The following ITGBL1 variants were observed in gnomAD, a reference collection of about 807,000 sequenced individuals.
The protein encoded by ITGBL1 is integrin subunit beta like 1, also known as integrin beta-like protein 1.
A neutral mutation model predicts 68.5 loss-of-function variants in ITGBL1; 51 were observed. The observed-to-expected ratio is 0.74, with a 90% CI of 0.59 to 0.94. ITGBL1 has a LOEUF of 0.94. Among genes scored for constraint, ITGBL1 ranks in the 40% least tolerant of loss-of-function variants. The pLI, the probability that ITGBL1 is intolerant of heterozygous loss-of-function variation, is 0.00. For missense variants in ITGBL1, 649 were observed against 647.4 expected (o/e 1.00, Z -0.03); for synonymous variants, 209 against 227.3 (o/e 0.92, Z 0.72).
At chr13:101,658,160 T>A (rs2032983621) in intron 7 of ITGBL1, among the ~76,000 whole-genome samples, 1 of 152,206 alleles carries the variant, frequency 6.6e-6, no homozygotes, top group African/African-American at 2.4e-5. Context: ...ATGCTCCTTT[T>A]AAGAAACAAT....
chr13:101,460,151 C>T (rs1249502100), intron 2 of ITGBL1, among the ~76,000 whole-genome samples: 1 of 152,172 alleles, frequency 6.6e-6, no homozygotes, highest in African/African-American at 2.4e-5. Flanking sequence ...TCCTTGCCCA[C>T]TCCTTCACCT....
At chr13:101,471,295 G>A (rs2048453347) in intron 2 of ITGBL1, among the ~76,000 whole-genome samples, 1 of 152,076 alleles carries the variant, frequency 6.6e-6, no homozygotes, top group Admixed American at 6.6e-5. Flanking sequence ...CTCCCTTGCA[G>A]GTAATAAATC....
intron 7 of ITGBL1, among the ~76,000 whole-genome samples, chr13:101,615,835 C>T (rs2031333939): frequency 2.0e-5 from 3 of 151,808 alleles, no homozygotes. Flanking sequence ...CAAAAGAGAC[C>T]CCAGAAAGCT....
intron 2 of ITGBL1, among the ~76,000 whole-genome samples, chr13:101,551,019 A>G (rs748723188): frequency 6.6e-6 from 1 of 152,152 alleles, no homozygotes; most frequent in Non-Finnish European, 1.5e-5. Flanking sequence ...TATTTGCTTC[A>G]TCGCTTCTTG....
At chr13:101,518,966 C>A (rs2049239560) in intron 2 of ITGBL1, among the ~76,000 whole-genome samples, 1 of 152,122 alleles carries the variant, frequency 6.6e-6, no homozygotes, top group Admixed American at 6.6e-5. Context: ...CTTAGACATA[C>A]AAGTTGAAGG....
chr13:101,562,751 CA>C (rs553075826), intron 2 of ITGBL1, among the ~76,000 whole-genome samples: 112 of 151,896 alleles, frequency 7.4e-4, no homozygotes, highest in African/African-American at 2.7e-3. Context: ...GTCGACAGAA[CA>C]AGTAGATAGA....
chr13:101,715,924 A>G lies in ITGBL1; in HGVS notation c.*270A>G. ...TTTTTCCACCCAAAAGTCATTTGGCAACATCTACAGACAATTTTGATTGTC... is the reference window on the plus strand; with the variant it reads ...TTTTTCCACCCAAAAGTCATTTGGCGACATCTACAGACAATTTTGATTGTC... On this transcript the variant is annotated 3_prime_UTR_variant, in exon 11 of 11. Coordinates refer to ENST00000376180, the MANE Select transcript of ITGBL1 (RefSeq NM_004791.3). 2.7e-6 allele frequency: 1 copy of G among 367,910 alleles called. No individual in the cohort carries two copies. The highest frequency in any genetic ancestry group is 5.8e-5 in the East Asian group (1 of 17,378). The allele number at this position is 367,910 out of a possible 1,614,324, so 22.8% of individuals were successfully genotyped here.
rs771920738 is a variant in ITGBL1 at position 101,567,762 on chromosome 13, A to G, written c.380A>G (p.Gln127Arg). ...CAGGGATGGTATGGGGATGCTTGCC[A>G]GTACCCAACTAACTGTGACTTGACA... ...CDQGWYGDAC[Q>R]YPTNCDLTKK... is the part of the protein sequence containing the mutation. Residue 127 changes from glutamine (Q) to arginine (R), a missense_variant, in exon 3 of 11, where the codon CAG becomes CGG. Coordinates refer to ENST00000376180, the MANE Select transcript of ITGBL1 (RefSeq NM_004791.3). The G allele has an allele frequency of 1.9e-6, 3 of 1,613,378 alleles. No homozygotes were observed. The highest frequency in any genetic ancestry group is 1.7e-4 in the Middle Eastern group (1 of 6,048).
intron 6 of ITGBL1, among the ~76,000 whole-genome samples, chr13:101,587,818 G>A (rs536433162): frequency 6.6e-5 from 10 of 152,078 alleles, no homozygotes; most frequent in Non-Finnish European, 1.3e-4. Flanking sequence ...TTTCTTGAAA[G>A]GAAAAATTAA....
chr13:101,479,872 G>A (rs923634707), intron 2 of ITGBL1, among the ~76,000 whole-genome samples: 7 of 152,026 alleles, frequency 4.6e-5, no homozygotes, highest in Non-Finnish European at 4.4e-5. Flanking sequence ...TGGTGGGAAT[G>A]AAAATTAGCA....
At chr13:101,626,990 T>C (rs1400253231) in intron 7 of ITGBL1, among the ~76,000 whole-genome samples, 1 of 152,196 alleles carries the variant, frequency 6.6e-6, no homozygotes, top group Non-Finnish European at 1.5e-5. Context: ...CAGACACTTA[T>C]AGGCTGTATG....
chr13:101,648,513 G>C (rs1003914577), intron 7 of ITGBL1, among the ~76,000 whole-genome samples: 2 of 152,136 alleles, frequency 1.3e-5, no homozygotes, highest in Admixed American at 1.3e-4. Context: ...AAGGATGCCT[G>C]ATAGCACCAC....
chr13:101,595,865 A>C (rs1468000405), intron 6 of ITGBL1, among the ~76,000 whole-genome samples: 1 of 152,216 alleles, frequency 6.6e-6, no homozygotes, highest in East Asian at 1.9e-4. Context: ...TTAAATCACT[A>C]TCTTGAAGAG....
At chr13:101,535,362 T>G (rs1030733438) in intron 2 of ITGBL1, among the ~76,000 whole-genome samples, 1 of 152,122 alleles carries the variant, frequency 6.6e-6, no homozygotes, top group African/African-American at 2.4e-5. Context: ...TCCAGGAGGC[T>G]GTGTTCTTCT....
At chr13:101,673,577 T>C (rs2033428701) in intron 7 of ITGBL1, among the ~76,000 whole-genome samples, 1 of 152,222 alleles carries the variant, frequency 6.6e-6, no homozygotes, top group African/African-American at 2.4e-5. Flanking sequence ...TAATTCCCCA[T>C]GGTCATTTGG....
At chr13:101,570,934 G>A (rs2050261717) in intron 3 of ITGBL1, among the ~76,000 whole-genome samples, 1 of 152,040 alleles carries the variant, frequency 6.6e-6, no homozygotes, top group Admixed American at 6.6e-5. Flanking sequence ...GGTTCTTTAG[G>A]CCTTGTCTCC....
At chr13:101,652,869 G>A (rs920807245) in intron 7 of ITGBL1, among the ~76,000 whole-genome samples, 34 of 152,164 alleles carry the variant, frequency 2.2e-4, no homozygotes, top group African/African-American at 6.5e-4. Flanking sequence ...AGGCCGAGGC[G>A]GGCAGATCAC....
At chr13:101,487,663 C>T (rs945374816) in intron 2 of ITGBL1, among the ~76,000 whole-genome samples, 1 of 152,166 alleles carries the variant, frequency 6.6e-6, no homozygotes, top group Non-Finnish European at 1.5e-5. Flanking sequence ...TTCCGAAGTG[C>T]ATTCCGTAGA....
intron 2 of ITGBL1, among the ~76,000 whole-genome samples, chr13:101,552,762 A>G (rs1461614957): frequency 6.6e-6 from 1 of 152,230 alleles, no homozygotes. Flanking sequence ...AGAAAAATAA[A>G]TTATTGCAAT....
Sources: gnomAD v4.1 joint callset for allele counts (sites outside exome capture counted in the v4.1 genomes callset) on GRCh38, gnomAD v4.1.1 for gene constraint, MANE v1.5 for transcripts, NCBI Gene and HGNC (gene_info 2026-07-23, HGNC 2026-07-21) for gene names.